The following TNKS variants were observed in gnomAD, a reference collection of about 807,000 sequenced individuals.
TNKS encodes tankyrase, also known as poly [ADP-ribose] polymerase tankyrase-1.
In TNKS, 72 loss-of-function variants were observed where a neutral mutation model predicts 135.8. The ratio of observed to expected loss-of-function variants is 0.53; its 90% CI spans 0.44 to 0.64. The LOEUF (loss-of-function observed/expected upper bound fraction) is 0.64. TNKS is among the 30% of genes least tolerant of loss of function. The pLI is 0.00. For missense variants in TNKS, 1,769 were observed against 1,674.0 expected, an observed-to-expected ratio of 1.06 and a Z score of -0.99; for synonymous variants, 849 against 649.3, an observed-to-expected ratio of 1.31 and a Z score of -4.68.
chr8:9,668,845 T>G (rs1802130375), intron 3 of TNKS, among the ~76,000 whole-genome samples: 1 of 152,228 alleles, frequency 6.6e-6, no homozygotes, highest in African/African-American at 2.4e-5. Context: ...CAGTGAATAA[T>G]AAATTGAATA....
intron 21 of TNKS, among the ~76,000 whole-genome samples, chr8:9,762,042 C>G (rs1046748034): frequency 6.6e-6 from 1 of 152,262 alleles, no homozygotes; most frequent in Non-Finnish European, 1.5e-5. Context: ...TCATATCACT[C>G]CATTGCTTAA....
chr8:9,717,275 A>G (rs1214327449), intron 11 of TNKS, among the ~76,000 whole-genome samples: 8 of 151,568 alleles, frequency 5.3e-5, no homozygotes, highest in Admixed American at 5.3e-4. Context: ...TCAGTATTGT[A>G]TTGAAAAATT....
chr8:9,575,018 T>C lies in TNKS; in HGVS notation c.674-5141T>C, dbSNP rs1055802539. On this transcript the variant is annotated intron_variant, in intron 1 of 26. Transcript: ENST00000310430. ...TCTAAGGAGCTCCTAATACCGTTGATAAACTGCTATGTGTGCCTGGATTGC... is the reference window on the plus strand; with the variant it reads ...TCTAAGGAGCTCCTAATACCGTTGACAAACTGCTATGTGTGCCTGGATTGC... The C allele has an allele frequency of 6.1e-6, 6 of 985,034 alleles. No individual in the cohort carries two copies. The African/African-American group carries it at 1.0e-4, about 17-fold the overall frequency. The allele number at this position is 985,034 out of a possible 1,614,324, so 61.0% of individuals were successfully genotyped here. A position where few individuals can be genotyped will look rare whatever the true frequency, so the allele number is the denominator to read the frequency against.
chr8:9,762,151 C>G (rs1031020640), intron 21 of TNKS, among the ~76,000 whole-genome samples: 2 of 152,236 alleles, frequency 1.3e-5, no homozygotes, highest in African/African-American at 4.8e-5. Context: ...TTTCCTCCCT[C>G]CCACATGACT....
intron 1 of TNKS, chr8:9,557,821 G>T (rs994681559): frequency 2.0e-5 from 3 of 152,136 alleles, no homozygotes; most frequent in South Asian, 2.1e-4. Flanking sequence ...TTTTACAGAT[G>T]ACAAAAGTGA....
chr8:9,591,918 G>C (rs958228604), intron 2 of TNKS, among the ~76,000 whole-genome samples: 1 of 152,176 alleles, frequency 6.6e-6, no homozygotes, highest in Non-Finnish European at 1.5e-5. Flanking sequence ...CAGGAAAGCA[G>C]TTTCCGGTCT....
chr8:9,733,779 GT>G (rs963031325), intron 15 of TNKS, among the ~76,000 whole-genome samples: 7 of 151,758 alleles, frequency 4.6e-5, no homozygotes, highest in African/African-American at 1.7e-4. Flanking sequence ...ATCAAGTTGG[GT>G]TTTTTTTCTT....
Position 9,781,431 on chromosome 8 carries a change from G to A in TNKS, c.*4695G>A, listed in dbSNP as rs979362393. The stretch of plus-strand genomic sequence containing the variant: ...GCGCACCCCTCCCAAAGTTCAGGAT[G>A]AAAGGCTAGAAAACCCATTCAAAGT... On this transcript the variant is annotated 3_prime_UTR_variant, in exon 27 of 27. Transcript: ENST00000310430. The A allele has an allele frequency of 2.0e-5, 3 of 152,198 alleles. No individual in the cohort carries two copies. The highest frequency in any genetic ancestry group is 4.1e-4 in the South Asian group (2 of 4,832). 9.4% of individuals were successfully genotyped at this position (152,198 alleles called of 1,614,324 possible). A position where few individuals can be genotyped will look rare whatever the true frequency, so the allele number is the denominator to read the frequency against.
At chr8:9,673,111 C>G (rs1435384036) in intron 3 of TNKS, among the ~76,000 whole-genome samples, 1 of 152,040 alleles carries the variant, frequency 6.6e-6, no homozygotes, top group African/African-American at 2.4e-5. Flanking sequence ...CTATTGATGG[C>G]TACAATTGAC....
intron 1 of TNKS, among the ~76,000 whole-genome samples, chr8:9,569,499 A>G (rs1007764202): frequency 2.0e-5 from 3 of 152,186 alleles, no homozygotes; most frequent in East Asian, 1.9e-4. Flanking sequence ...AGATTCATCT[A>G]TCTTATATAG....
At chr8:9,760,721 T>G (rs1807107954) in intron 20 of TNKS, among the ~76,000 whole-genome samples, 1 of 152,178 alleles carries the variant, frequency 6.6e-6, no homozygotes, top group South Asian at 2.1e-4. Flanking sequence ...TCCCAGCTAC[T>G]TTAGTCCATA....
At chr8:9,598,705 ATGTGTG>A (rs376761155) in intron 2 of TNKS, among the ~76,000 whole-genome samples, 120 of 108,214 alleles carry the variant, frequency 1.1e-3, no homozygotes, top group African/African-American at 3.8e-3. Context: ...TGTCTAAAAT[ATGTGTG>A]TGTGTGTGTG....
chr8:9,644,124 A>G (rs1417115772), intron 3 of TNKS, among the ~76,000 whole-genome samples: 2 of 152,002 alleles, frequency 1.3e-5, no homozygotes, highest in African/African-American at 4.8e-5. Context: ...GAGAGGGGGG[A>G]ATGGGGAATT....
At chr8:9,665,953 C>G (rs771286569) in intron 3 of TNKS, among the ~76,000 whole-genome samples, 9 of 152,096 alleles carry the variant, frequency 5.9e-5, no homozygotes, top group Admixed American at 2.6e-4. Context: ...CTACTCTTCT[C>G]TCTTCTTCCT....
intron 1 of TNKS, among the ~76,000 whole-genome samples, chr8:9,577,364 T>C (rs1003807179): frequency 2.0e-5 from 3 of 152,224 alleles, no homozygotes; most frequent in Non-Finnish European, 4.4e-5. Context: ...GTTAGTCCGT[T>C]CTTGCATTGC....
In TNKS at chr8:9,779,551, G is replaced by A. The variant is rs1031840829; in HGVS notation, c.*2815G>A. The A allele has an allele frequency of 6.6e-6, 1 of 152,118 alleles. No homozygotes were observed. The highest frequency in any genetic ancestry group is 1.5e-5 in the Non-Finnish European group (1 of 68,036). The allele number at this position is 152,118 out of a possible 1,614,324, so 9.4% of individuals were successfully genotyped here. A position where few individuals can be genotyped will look rare whatever the true frequency, so the allele number is the denominator to read the frequency against. ...GATACTTGACTCAGGCATAAATTAA[G>A]TGCCCTGGTCCCGAACTTTCTCCCT... On this transcript the variant is annotated 3_prime_UTR_variant, in exon 27 of 27. Transcript: ENST00000310430.
intron 3 of TNKS, among the ~76,000 whole-genome samples, chr8:9,663,995 C>A (rs902562304): frequency 3.3e-5 from 5 of 152,210 alleles, no homozygotes; most frequent in Admixed American, 1.3e-4. Flanking sequence ...TTCCACCCAT[C>A]CAGTCACATG....
Position 9,556,407 on chromosome 8 carries a change from G to T in TNKS, c.468G>T (p.Ala156=), listed in dbSNP as rs892466812. 2 of 1,614,206 alleles carry T rather than the reference G, an allele frequency of 1.2e-6. No individual in the cohort carries two copies. The highest frequency in any genetic ancestry group is 8.5e-7 in the Non-Finnish European group (1 of 1,180,040). Residue 156 remains alanine, a synonymous_variant, in exon 1 of 27, where the codon GCG becomes GCT. Coordinates refer to ENST00000310430, the MANE Select transcript of TNKS (RefSeq NM_003747.3). ...CGAGCTTGGCGGAGAGCCCCGAGGC[G>T]GCCGGAGTTAGCAGCACAGCACCAC... ...PGSSLAESPE[A]AGVSSTAPLG...
At chr8:9,583,730 G>T (rs1033213527) in intron 2 of TNKS, among the ~76,000 whole-genome samples, 1 of 151,918 alleles carries the variant, frequency 6.6e-6, no homozygotes, top group African/African-American at 2.4e-5. Flanking sequence ...CTTGTGATCC[G>T]CCTGTCTCAG....
Sources: allele counts gnomAD v4.1 joint callset (sites outside exome capture counted in the v4.1 genomes callset), GRCh38; gene constraint gnomAD v4.1.1; transcripts MANE v1.5; gene names NCBI Gene and HGNC (gene_info 2026-07-23, HGNC 2026-07-21).